Variants in C14orf39 observed in about 807,000 individuals in gnomAD.
The protein encoded by C14orf39 is protein SIX6OS1.
Under a neutral mutation model 85.6 loss-of-function variants are expected in C14orf39, and 66 were observed. The ratio of observed to expected loss-of-function variants is 0.77; its 90% CI spans 0.63 to 0.95. The LOEUF (loss-of-function observed/expected upper bound fraction) is 0.95. C14orf39 is among the 40% of genes least tolerant of loss of function. C14orf39 has a pLI of 0.00. For missense variants in C14orf39, 735 were observed against 663.9 expected (o/e 1.11, Z -1.18); for synonymous variants, 242 against 214.0 (o/e 1.13, Z -1.14).
Position 60,469,568 on chromosome 14 carries a change from CTACT to C in C14orf39, c.636_639del (p.Val213MetfsTer5). 1 of 1,508,888 alleles carries C rather than the reference CTACT, an allele frequency of 6.6e-7. No homozygotes were observed. The highest frequency in any genetic ancestry group is 8.9e-7 in the Non-Finnish European group (1 of 1,119,776). 93.5% of individuals were successfully genotyped at this position (1,508,888 alleles called of 1,614,324 possible). ...TAATTAATTTCTATTTCCATTTCAT[CTACT>C]TCTTTCTTCAATTCGGATGAACTTT... On this transcript the variant is annotated frameshift_variant, in exon 8 of 18. Coordinates refer to ENST00000321731, the MANE Select transcript of C14orf39 (RefSeq NM_174978.3). LOFTEE classifies it high-confidence loss of function.
At chr14:60,467,155 A>G (rs1891835394) in intron 9 of C14orf39, 111 bp from the exon 10 acceptor site, 1 of 446,442 alleles carries the variant, frequency 2.2e-6, no homozygotes, top group Non-Finnish European at 3.5e-6. Context: ...TTTTGCAGAT[A>G]ATAAAACTGA....
Position 60,484,746 on chromosome 14 carries a change from GTTTA to G in C14orf39, c.106+131_106+134del. 3.2e-6 allele frequency: 2 copies of G among 618,622 alleles called. No individual in the cohort carries two copies. Among genetic ancestry groups the G allele is most frequent in the Non-Finnish European group, 5.6e-6 (2 of 357,982 alleles). The allele number at this position is 618,622 out of a possible 1,614,324, so 38.3% of individuals were successfully genotyped here. ...ACATCTATTTCGTCTAGGGTAAATA[GTTTA>G]TTTGTCGCTAGAGAGAACTGACACA... On this transcript the variant is annotated intron_variant, in intron 3 of 17. Transcript: ENST00000321731. This position sits in a 1 kb window ranked among gnomAD's most constrained non-coding sequence, Gnocchi z 4.2.
chr14:60,455,189 A>T, intron 15 of C14orf39, 44 bp from the exon 16 acceptor site: 2 of 1,371,470 alleles, frequency 1.5e-6, no homozygotes, highest in South Asian at 2.7e-5. Context: ...TCTATTATTA[A>T]ACACTGAATA....
At chr14:60,447,202 C>CAA (rs1890808740) in intron 16 of C14orf39, among the ~76,000 whole-genome samples, 1 of 152,266 alleles carries the variant, frequency 6.6e-6, no homozygotes, top group Non-Finnish European at 1.5e-5. Context: ...CTGGCCAGGG[C>CAA]AATCAGGCAA....
chr14:60,497,839 A>T (rs1893091147), intron 2 of C14orf39, among the ~76,000 whole-genome samples: 1 of 152,056 alleles, frequency 6.6e-6, no homozygotes, highest in African/African-American at 2.4e-5. Context: ...GCAAGTTCGC[A>T]CCACTGCACT....
At position 60,511,526 on chromosome 14, in the gene C14orf39, G is replaced by C. The variant is rs535332639; in HGVS notation, c.-144+3869C>G. The C allele has an allele frequency of 8.1e-5, 46 of 570,198 alleles. 1 individual carries two copies. The South Asian group carries it at 9.2e-4, about 11-fold the overall frequency. The allele number at this position is 570,198 out of a possible 1,614,324, so 35.3% of individuals were successfully genotyped here. On this transcript the variant is annotated intron_variant, in intron 1 of 5. Transcript: ENST00000556799. ...TTTTTCCTAAGGATTTTGCTGCAAA[G>C]TCTCCTTCGGAACCCGAACTGCAAG...
intron 16 of C14orf39, among the ~76,000 whole-genome samples, chr14:60,448,054 A>G (rs189532638): frequency 2.6e-5 from 4 of 152,354 alleles, no homozygotes; most frequent in Admixed American, 2.6e-4. Context: ...AAGATGGATT[A>G]AAGACTTAAA....
At position 60,491,412 on chromosome 14, in the gene C14orf39, G is replaced by C. The variant is rs1892986522; in HGVS notation, c.-8-6326C>G. 6.6e-6 allele frequency among the ~76,000 whole-genome samples: 1 copy of C among 152,120 alleles called. No individual in the cohort carries two copies. The highest frequency in any genetic ancestry group is 6.5e-5 in the Admixed American group (1 of 15,270). The stretch of plus-strand genomic sequence containing the variant: ...CGCCTCTTAATACTATTACATTAGG[G>C]ATTAAGTTTCAACATGAATTGTGGA... On this transcript the variant is annotated intron_variant, in intron 2 of 5. Transcript: ENST00000556799. The surrounding 1 kb of genome is among the most constrained non-coding windows in gnomAD (Gnocchi z 4.5).
At position 60,509,416 on chromosome 14, in the gene C14orf39, C is replaced by T. The variant is rs150715226; in HGVS notation, c.-144+5979G>A. ...CTGCCTCGATGTTCCAGCTGCCCATCTTGAATTTCAGCCCCCAGCAAGTGG... is the reference window on the plus strand; with the variant it reads ...CTGCCTCGATGTTCCAGCTGCCCATTTTGAATTTCAGCCCCCAGCAAGTGG... On this transcript the variant is annotated intron_variant, in intron 1 of 5. Coordinates refer to the C14orf39 transcript ENST00000556799. The T allele has an allele frequency of 2.0e-4, 319 of 1,599,560 alleles. No homozygotes were observed. The African/African-American group carries it at 3.8e-3, about 19-fold the overall frequency.
intron 1 of C14orf39, chr14:60,509,269 C>G (rs1893251808): frequency 1.2e-6 from 1 of 813,628 alleles, no homozygotes; most frequent in Admixed American, 2.0e-5. Flanking sequence ...ACCGCCGCCA[C>G]CCGGTAGTGT....
intron 17 of C14orf39, among the ~76,000 whole-genome samples, chr14:60,440,929 T>C (rs1890481530): frequency 6.6e-6 from 1 of 152,200 alleles, no homozygotes. Context: ...TGACTTTTAG[T>C]GATGCCTTTC....
At chr14:60,451,678 G>T (rs1229500567) in intron 16 of C14orf39, among the ~76,000 whole-genome samples, 14 of 139,370 alleles carry the variant, frequency 1.0e-4, no homozygotes, top group Admixed American at 7.3e-4. Flanking sequence ...CACACACCAG[G>T]GCCCGTCATG....
chr14:60,447,294 G>C (rs1489805795), intron 16 of C14orf39, among the ~76,000 whole-genome samples: 1 of 152,220 alleles, frequency 6.6e-6, no homozygotes, highest in African/African-American at 2.4e-5. Context: ...TGTATATTTA[G>C]AAAAGCCCAT....
At chr14:60,489,861 C>G (rs1485247042), upstream of C14orf39, among the ~76,000 whole-genome samples, 1 of 152,168 alleles carries the variant, frequency 6.6e-6, no homozygotes, top group Non-Finnish European at 1.5e-5. Context: ...AAACAGTTGT[C>G]TAAACTCACA....
At position 60,457,089 on chromosome 14, in the gene C14orf39, A is replaced by G. The variant is rs1310026425; in HGVS notation, c.1186T>C (p.Tyr396His). 3.9e-6 allele frequency: 6 copies of G among 1,549,704 alleles called. No homozygotes were observed. The highest frequency in any genetic ancestry group is 5.2e-6 in the Non-Finnish European group (6 of 1,151,962). The change falls in exon 15 of 18, where the codon TAT becomes CAT. Residue 396 changes from tyrosine (Y) to histidine (H), a missense_variant. By Grantham distance (83) the Tyr-to-His change is moderately conservative. Transcript: ENST00000321731. The part of the protein sequence containing the change: ...RESKCTSQAI[Y>H]TEHFGKSVEN... Reference sequence around the variant, plus strand: ...ACTGACTTCCCAAAATGTTCAGTATATATAGCCTGCAAATTCAAAGTAACA... The same window carrying G: ...ACTGACTTCCCAAAATGTTCAGTATGTATAGCCTGCAAATTCAAAGTAACA...
intron 1 of C14orf39, chr14:60,509,965 G>T: frequency 1.9e-6 from 3 of 1,600,572 alleles, no homozygotes; most frequent in Non-Finnish European, 2.6e-6. Context: ...CTGCAGCCAA[G>T]AACAGGTCGG....
chr14:60,478,429 G>T, intron 4 of C14orf39, 40 bp from the exon 5 acceptor site: 3 of 1,053,454 alleles, frequency 2.8e-6, no homozygotes, highest in South Asian at 1.5e-5. Context: ...AACTCAGAAT[G>T]ATAAACAAAT....
At chr14:60,501,657 T>C (rs1893150523) in intron 1 of C14orf39, among the ~76,000 whole-genome samples, 1 of 152,192 alleles carries the variant, frequency 6.6e-6, no homozygotes, top group Non-Finnish European at 1.5e-5. Context: ...TTTGGGGAAT[T>C]TCATGTAAGC....
intron 4 of C14orf39, among the ~76,000 whole-genome samples, chr14:60,482,597 A>C (rs1892689623): frequency 6.6e-6 from 1 of 152,160 alleles, no homozygotes; most frequent in South Asian, 2.1e-4. Flanking sequence ...CATACTCTTT[A>C]GCAATTTCAC....
Sources: gnomAD v4.1 joint callset for allele counts (sites outside exome capture counted in the v4.1 genomes callset) on GRCh38, gnomAD v4.1.1 for gene constraint, Gnocchi (gnomAD v3.1) non-coding constraint, MANE v1.5 for transcripts, NCBI Gene and HGNC (gene_info 2026-07-23, HGNC 2026-07-21) for gene names.